The following RPA1 variants were observed in gnomAD, a reference collection of about 807,000 sequenced individuals.
The protein encoded by RPA1 is replication protein A 70 kDa DNA-binding subunit.
Under a neutral mutation model 83.0 loss-of-function variants are expected in RPA1, and 49 were observed. The observed-to-expected ratio is 0.59, with a 90% CI of 0.47 to 0.75. The LOEUF (loss-of-function observed/expected upper bound fraction) is 0.75, where lower values mean the gene tolerates loss of function less well. Among genes scored for constraint, RPA1 ranks in the 30% least tolerant of loss-of-function variants. RPA1 has a pLI of 0.00. For missense variants in RPA1, 693 were observed against 776.1 expected, an observed-to-expected ratio of 0.89 and a Z score of 1.27; for synonymous variants, 279 against 281.8, an observed-to-expected ratio of 0.99 and a Z score of 0.10.
intron 1 of RPA1, among the ~76,000 whole-genome samples, chr17:1,838,251 A>T (rs1231487108): frequency 6.6e-6 from 1 of 151,662 alleles, no homozygotes; most frequent in African/African-American, 2.4e-5. Flanking sequence ...AGATCGCACC[A>T]CTGCACTCCA....
chr17:1,879,211 G>A lies in RPA1; in HGVS notation c.760-4G>A, dbSNP rs750736413. 1.1e-5 allele frequency: 17 copies of A among 1,612,380 alleles called. No homozygotes were observed. The highest frequency in any genetic ancestry group is 5.0e-5 in the Admixed American group (3 of 59,944). On this transcript the variant is annotated splice_polypyrimidine_tract_variant and splice_region_variant and intron_variant, in intron 9 of 16. Coordinates refer to ENST00000254719, the MANE Select transcript of RPA1 (RefSeq NM_002945.5). ...CAGGTTCTGTGGCTTGGCCTCCTTC[G>A]CAGGTGTATTATTTCTCGAAAGGCA... is the stretch of plus-strand genomic sequence containing the variant.
At chr17:1,840,103 TAAAAA>T (rs891512148) in intron 1 of RPA1, among the ~76,000 whole-genome samples, 1 of 150,256 alleles carries the variant, frequency 6.7e-6, no homozygotes, top group African/African-American at 2.4e-5. Context: ...CAAAGTACAA[TAAAAA>T]AAAAGAAAAA....
Position 1,880,645 on chromosome 17 carries a change from A to T in RPA1, c.1195A>T (p.Ile399Phe). ...RSLSVLSSST[I>F]IANPDIPEAY... ...CCTCTCCGTGCTGTCTTCAAGCACT[A>T]TCATTGCGAATCCTGACATCCCAGA... Residue 399 changes from isoleucine to phenylalanine, a missense_variant, in exon 12 of 17, where the codon ATC becomes TTC. By Grantham distance (21) the Ile-to-Phe change is conservative (BLOSUM62 0). Coordinates refer to ENST00000254719, the MANE Select transcript of RPA1 (RefSeq NM_002945.5). The T allele has an allele frequency of 1.9e-6, 3 of 1,613,978 alleles. No homozygotes were observed. The highest frequency in any genetic ancestry group is 2.5e-6 in the Non-Finnish European group (3 of 1,180,012).
At chr17:1,861,413 G>A (rs568875648) in intron 5 of RPA1, among the ~76,000 whole-genome samples, 1 of 152,222 alleles carries the variant, frequency 6.6e-6, no homozygotes, top group East Asian at 1.9e-4. Flanking sequence ...CCTTTCTGGT[G>A]GGGGGAGGGG....
intron 5 of RPA1, among the ~76,000 whole-genome samples, chr17:1,860,153 A>G (rs2151278586): frequency 6.6e-6 from 1 of 152,190 alleles, no homozygotes; most frequent in Admixed American, 6.5e-5. Context: ...CATGTTGCCC[A>G]CACTGGTCTT....
At chr17:1,834,921 G>T (rs1433915035) in intron 1 of RPA1, among the ~76,000 whole-genome samples, 5 of 152,080 alleles carry the variant, frequency 3.3e-5, no homozygotes, top group African/African-American at 1.2e-4. Flanking sequence ...GGGTGCAGAA[G>T]CACAATCTCA....
At chr17:1,894,029 G>GTTT (rs5818841) in intron 15 of RPA1, among the ~76,000 whole-genome samples, 3 of 127,600 alleles carry the variant, frequency 2.4e-5, no homozygotes, top group Non-Finnish European at 3.2e-5. Context: ...CCTGGCTTAA[G>GTTT]TTTTTTTTTT....
chr17:1,895,172 C>G lies in RPA1; in HGVS notation c.1746+77C>G. The G allele has an allele frequency of 4.2e-6, 5 of 1,195,764 alleles. No individual in the cohort carries two copies. In the South Asian group the frequency reaches 6.4e-5, roughly 15 times the overall value. 74.1% of individuals were successfully genotyped at this position (1,195,764 alleles called of 1,614,324 possible). ...ACCTACGGCAGTGTCGTGACACTCC[C>G]TGGCAGGGAGTTACTGTACTCACTG... On this transcript the variant is annotated intron_variant, in intron 16 of 16. Coordinates refer to ENST00000254719, the MANE Select transcript of RPA1 (RefSeq NM_002945.5).
At chr17:1,867,543 C>T (rs1371153365) in intron 5 of RPA1, among the ~76,000 whole-genome samples, 1 of 151,672 alleles carries the variant, frequency 6.6e-6, no homozygotes, top group Non-Finnish European at 1.5e-5. Flanking sequence ...CCTGTCTCTA[C>T]AGAAAACAAA....
intron 1 of RPA1, among the ~76,000 whole-genome samples, chr17:1,842,223 C>T (rs1038860160): frequency 2.6e-5 from 4 of 151,754 alleles, no homozygotes; most frequent in Non-Finnish European, 5.9e-5. Context: ...AAAGTATTGT[C>T]TTTTCTATTT....
intron 15 of RPA1, among the ~76,000 whole-genome samples, chr17:1,893,856 T>G (rs1439770482): frequency 1.3e-5 from 2 of 151,850 alleles, no homozygotes; most frequent in African/African-American, 4.8e-5. Flanking sequence ...TCTGAGTGTT[T>G]TTCCTTTTTT....
chr17:1,896,736 C>T (rs987902693), intron 16 of RPA1, among the ~76,000 whole-genome samples: 13 of 152,180 alleles, frequency 8.5e-5, no homozygotes, highest in African/African-American at 3.1e-4. Flanking sequence ...TGGCTTTGTG[C>T]AAGTCACATG....
chr17:1,873,903 G>T (rs753822215), intron 6 of RPA1, among the ~76,000 whole-genome samples: 20 of 147,852 alleles, frequency 1.4e-4, no homozygotes, highest in Non-Finnish European at 2.2e-4. Flanking sequence ...TGAGGCATGA[G>T]AATCATTTGA....
In RPA1 at chr17:1,842,847, A is replaced by G. The variant is rs1912109940; in HGVS notation, c.78A>G (p.Gln26=). 6.2e-7 allele frequency: 1 copy of G among 1,614,066 alleles called. No homozygotes were observed. Among genetic ancestry groups the G allele is most frequent in the Non-Finnish European group, 8.5e-7 (1 of 1,179,940 alleles). Reference sequence around the variant, plus strand: ...ATACAAACATAAAGCCCATCCTCCAAGTCATCGTAAGTACCTGCGTATGTT... The same window carrying G: ...ATACAAACATAAAGCCCATCCTCCAGGTCATCGTAAGTACCTGCGTATGTT... ...KGDTNIKPIL[Q]VINIRPITTG... The change falls in exon 2 of 17, where the codon CAA becomes CAG. Residue 26 remains glutamine, a synonymous_variant. Coordinates refer to ENST00000254719, the MANE Select transcript of RPA1 (RefSeq NM_002945.5).
intron 1 of RPA1, chr17:1,830,606 A>G (rs531753118): frequency 7.1e-5 from 11 of 154,358 alleles, no homozygotes; most frequent in African/African-American, 2.6e-4. Flanking sequence ...AGTTCTCAGC[A>G]GCGTTTGCGT....
At chr17:1,894,940 A>G (rs1311157396) in intron 15 of RPA1, 69 bp from the exon 16 acceptor site, 5 of 1,275,894 alleles carry the variant, frequency 3.9e-6, no homozygotes, top group Non-Finnish European at 5.6e-6. Flanking sequence ...AGTCTTTTTA[A>G]AAGTCTTATC....
intron 4 of RPA1, 91 bp from the exon 5 acceptor site, chr17:1,853,010 C>A: frequency 2.1e-6 from 2 of 950,020 alleles, no homozygotes; most frequent in Non-Finnish European, 3.4e-6. Context: ...AATAGTTCAT[C>A]ACAATGATCA....
intron 7 of RPA1, among the ~76,000 whole-genome samples, chr17:1,876,708 G>C (rs141892668): frequency 1.9e-4 from 29 of 152,306 alleles, no homozygotes; most frequent in Non-Finnish European, 3.1e-4. Flanking sequence ...GGTACCTAAT[G>C]TGCCCTGTGC....
rs564720619 is a variant in RPA1 at position 1,891,237 on chromosome 17, C to T, written c.1552-596C>T. Among the ~76,000 whole-genome samples, 4 of 152,328 alleles carry T rather than the reference C, an allele frequency of 2.6e-5. No individual in the cohort carries two copies. In the South Asian group the frequency reaches 8.3e-4, roughly 32 times the overall value. ...GCCCAGTGGGAGACATTTGATTGCT[C>T]ATTTCCTTTGCCAGGTCAATTTGGT... On this transcript the variant is annotated intron_variant, in intron 14 of 16. Coordinates refer to ENST00000254719, the MANE Select transcript of RPA1 (RefSeq NM_002945.5).
Sources: gnomAD v4.1 joint callset for allele counts (sites outside exome capture counted in the v4.1 genomes callset) on GRCh38, gnomAD v4.1.1 for gene constraint, MANE v1.5 for transcripts, NCBI Gene and HGNC (gene_info 2026-07-23, HGNC 2026-07-21) for gene names.